FAM3C: variants seen among roughly 807,000 people sequenced by gnomAD.
The protein encoded by FAM3C is FAM3 metabolism regulating signaling molecule C, also known as protein FAM3C.
FAM3C carries 15 observed loss-of-function variants against 32.5 expected under a neutral mutation model. That is an observed-to-expected ratio of 0.46 (90% confidence interval 0.31 to 0.71). The LOEUF (loss-of-function observed/expected upper bound fraction) is 0.71. Among genes scored for constraint, FAM3C ranks in the 30% least tolerant of loss-of-function variants. The probability of loss-of-function intolerance (pLI) is 0.05; values close to 1 mark genes in which losing one functional copy is unlikely to be tolerated. For synonymous variants in FAM3C, 75 were observed against 86.1 expected, an observed-to-expected ratio of 0.87 and a Z score of 0.72; for missense variants, 175 against 274.4, an observed-to-expected ratio of 0.64 and a Z score of 2.56.
At chr7:121,389,898 A>G (rs1307085954) in intron 1 of FAM3C, among the ~76,000 whole-genome samples, 1 of 152,190 alleles carries the variant, frequency 6.6e-6, no homozygotes, top group Non-Finnish European at 1.5e-5. Context: ...CAACATCTAA[A>G]TGACTGGAAA....
intron 5 of FAM3C, among the ~76,000 whole-genome samples, chr7:121,367,443 A>G (rs1794044379): frequency 2.0e-5 from 3 of 152,208 alleles, no homozygotes; most frequent in African/African-American, 7.2e-5. Context: ...GTTACATTTT[A>G]AATGATTATG....
intron 1 of FAM3C, among the ~76,000 whole-genome samples, chr7:121,395,305 GGA>G (rs1164937334): frequency 8.9e-6 from 1 of 112,370 alleles, no homozygotes; most frequent in African/African-American, 3.7e-5. Flanking sequence ...ACATATATAT[GGA>G]TACATACATA....
chr7:121,388,832 T>C (rs1794518434), intron 1 of FAM3C, among the ~76,000 whole-genome samples: 1 of 152,130 alleles, frequency 6.6e-6, no homozygotes, highest in African/African-American at 2.4e-5. Flanking sequence ...TGTTTTTAAA[T>C]TTCCCCTAGA....
chr7:121,385,200 G>C (rs1794442386), intron 1 of FAM3C, among the ~76,000 whole-genome samples: 1 of 152,032 alleles, frequency 6.6e-6, no homozygotes, highest in African/African-American at 2.4e-5. Flanking sequence ...TAGAAATATA[G>C]ATATTAGAGC....
chr7:121,367,469 T>C (rs912989578), intron 5 of FAM3C, among the ~76,000 whole-genome samples: 2 of 152,168 alleles, frequency 1.3e-5, no homozygotes, highest in African/African-American at 4.8e-5. Context: ...ACATACATAA[T>C]AACCTTGATT....
chr7:121,381,606 C>A (rs1165912610), intron 2 of FAM3C, among the ~76,000 whole-genome samples: 1 of 151,492 alleles, frequency 6.6e-6, no homozygotes, highest in Admixed American at 6.6e-5. Context: ...TAAAAATCAT[C>A]TGGAGACATG....
intron 1 of FAM3C, among the ~76,000 whole-genome samples, chr7:121,393,643 G>C (rs1240912721): frequency 6.6e-6 from 1 of 152,158 alleles, no homozygotes; most frequent in Non-Finnish European, 1.5e-5. Flanking sequence ...TGGGTACACT[G>C]GAAAGACTTA....
At chr7:121,381,593 C>T (rs1203312685) in intron 2 of FAM3C, among the ~76,000 whole-genome samples, 3 of 151,328 alleles carry the variant, frequency 2.0e-5, no homozygotes. Context: ...AAATAATGTA[C>T]TTTAAAAATC....
At chr7:121,388,801 A>G (rs1392671279) in intron 1 of FAM3C, among the ~76,000 whole-genome samples, 1 of 152,154 alleles carries the variant, frequency 6.6e-6, no homozygotes, top group East Asian at 1.9e-4. Flanking sequence ...TACTATGGAA[A>G]AGCACAAATG....
chr7:121,366,358 T>C (rs1173293877), intron 5 of FAM3C, among the ~76,000 whole-genome samples: 2 of 151,964 alleles, frequency 1.3e-5, no homozygotes, highest in African/African-American at 4.8e-5. Flanking sequence ...CGTTCAGACA[T>C]AAAAGGAATG....
chr7:121,352,326 T>TG (rs60862307), intron 8 of FAM3C, among the ~76,000 whole-genome samples: 1 of 152,134 alleles, frequency 6.6e-6, no homozygotes, highest in African/African-American at 2.4e-5. Context: ...ATGGTTTTTT[T>TG]AAAAAAGCTT....
Position 121,381,655 on chromosome 7 carries a change from T to TCC in FAM3C, c.13+1300_13+1301dup, listed in dbSNP as rs1554375393. Among the ~76,000 whole-genome samples the TCC allele has an allele frequency of 6.8e-5, 8 of 117,180 alleles. No individual in the cohort carries two copies. In the South Asian group the frequency reaches 1.1e-3, roughly 17 times the overall value. 76.9% of individuals were successfully genotyped at this position (117,180 alleles called of 152,430 possible). On this transcript the variant is annotated intron_variant, in intron 2 of 9. Coordinates refer to ENST00000359943, the MANE Select transcript of FAM3C (RefSeq NM_014888.3). ...TAAGTCCTGCTGTACTCAAAGAACA[T>TCC]CCACACACACACACACACACACACA...
rs1278091676 is a variant in FAM3C, at chr7:121,350,321, T to A, written c.*140A>T. The A allele has an allele frequency of 1.4e-6, 1 of 715,982 alleles. No homozygotes were observed. The highest frequency in any genetic ancestry group is 2.3e-6 in the Non-Finnish European group (1 of 429,196). The allele number at this position is 715,982 out of a possible 1,614,324, so 44.4% of individuals were successfully genotyped here. ...ATCTATTTACGTTAGCAATAAATAA[T>A]CCTGATATCAAAAGAGACAATACTC... On this transcript the variant is annotated 3_prime_UTR_variant, in exon 10 of 10. Transcript: ENST00000359943.
At chr7:121,388,989 A>C (rs1250642923) in intron 1 of FAM3C, among the ~76,000 whole-genome samples, 2 of 152,168 alleles carry the variant, frequency 1.3e-5, no homozygotes, top group African/African-American at 4.8e-5. Flanking sequence ...GAAAACTTCT[A>C]TCTACAGCAA....
intron 8 of FAM3C, among the ~76,000 whole-genome samples, chr7:121,356,221 A>G (rs986873950): frequency 6.6e-6 from 1 of 152,210 alleles, no homozygotes; most frequent in African/African-American, 2.4e-5. Flanking sequence ...TGTACCTTGT[A>G]CTGGCCAGAC....
intron 2 of FAM3C, among the ~76,000 whole-genome samples, chr7:121,381,683 C>T (rs892689218): frequency 5.3e-5 from 8 of 150,608 alleles, no homozygotes; most frequent in Non-Finnish European, 5.9e-5. Context: ...CACACACACA[C>T]ACACACACGC....
rs184899633 is a variant in FAM3C at position 121,354,193 on chromosome 7, G to A, written c.468-2924C>T. 2.7e-3 allele frequency among the ~76,000 whole-genome samples: 415 copies of A among 152,128 alleles called. 1 individual carries two copies. In the Middle Eastern group the frequency reaches 0.045, roughly 16 times the overall value. Reference sequence around the variant, plus strand: ...AAATGCCCCTTTTTTAAAAAAGCCAGGGCAGCAAATATATTTTTATATAGC... The same window carrying A: ...AAATGCCCCTTTTTTAAAAAAGCCAAGGCAGCAAATATATTTTTATATAGC... On this transcript the variant is annotated intron_variant, in intron 8 of 9. Transcript: ENST00000359943.
chr7:121,388,947 G>A (rs183176331), intron 1 of FAM3C, among the ~76,000 whole-genome samples: 9 of 152,180 alleles, frequency 5.9e-5, no homozygotes, highest in Admixed American at 6.5e-5. Flanking sequence ...TTCATTTGGC[G>A]CTCCTGACAG....
chr7:121,389,078 T>G (rs887225024), intron 1 of FAM3C, among the ~76,000 whole-genome samples: 2 of 152,268 alleles, frequency 1.3e-5, no homozygotes, highest in African/African-American at 4.8e-5. Context: ...AAAAACAGGT[T>G]AGCAAAAGTG....
Sources: allele counts gnomAD v4.1 joint callset (sites outside exome capture counted in the v4.1 genomes callset), GRCh38; gene constraint gnomAD v4.1.1; transcripts MANE v1.5; gene names NCBI Gene and HGNC (gene_info 2026-07-23, HGNC 2026-07-21).